Variants in TPRX1 observed in about 807,000 individuals in gnomAD.
TPRX1 encodes tetrapeptide repeat homeobox 1.
A neutral mutation model predicts 8.1 loss-of-function variants in TPRX1; 2 were observed. The ratio of observed to expected loss-of-function variants is 0.25; its 90% CI spans 0.10 to 0.78. TPRX1 has a LOEUF of 0.78. Ranked by LOEUF, TPRX1 falls within the 30% of genes least tolerant of loss-of-function variation. The probability of loss-of-function intolerance (pLI) is 0.70; values close to 1 mark genes in which losing one functional copy is unlikely to be tolerated. For synonymous variants in TPRX1, 257 were observed against 254.1 expected, an observed-to-expected ratio of 1.01 and a Z score of -0.11; for missense variants, 517 against 586.9, an observed-to-expected ratio of 0.88 and a Z score of 1.23.
At chr19:47,804,646 C>T (rs2910401) in intron 2 of TPRX1, among the ~76,000 whole-genome samples, 95 bp from the exon 1 acceptor site, 17 of 149,948 alleles carry the variant, frequency 1.1e-4, no homozygotes, top group Non-Finnish European at 2.4e-4. Context: ...GGGACCCTCC[C>T]TTTCCCACCC....
intron 1 of TPRX1, chr19:47,818,896 C>A: frequency 3.8e-6 from 1 of 264,202 alleles, no homozygotes; most frequent in Non-Finnish European, 7.6e-6. Flanking sequence ...CTCCCCCTGC[C>A]CCCCACCCCA....
chr19:47,814,418 G>A (rs1331466150), intron 2 of TPRX1, among the ~76,000 whole-genome samples: 2 of 152,198 alleles, frequency 1.3e-5, no homozygotes, highest in African/African-American at 2.4e-5. Context: ...CAGCACTTTG[G>A]GAAGCTAAAG....
Position 47,813,022 on chromosome 19 carries a change from G to A in TPRX1, c.151+5446C>T, listed in dbSNP as rs148542229. ...CTCAGGAGGTTGAAGCAGGAGAATCGCTTGAACCCAGGAGGTGGAGGTTAC... is the reference window on the plus strand; with the variant it reads ...CTCAGGAGGTTGAAGCAGGAGAATCACTTGAACCCAGGAGGTGGAGGTTAC... On this transcript the variant is annotated intron_variant, in intron 2 of 3. Coordinates refer to ENST00000535759, the Ensembl canonical transcript of TPRX1. Among the ~76,000 whole-genome samples, 840 of 151,850 alleles carry A rather than the reference G, an allele frequency of 5.5e-3. 11 individuals are homozygous for A. The highest frequency in any genetic ancestry group is 0.048 in the East Asian group (250 of 5,160).
Position 47,802,831 on chromosome 19 carries a change from C to A in TPRX1, c.471G>T (p.Ser157=), listed in dbSNP as rs973298126. Residue 157 remains serine, a synonymous_variant, in exon 4 of 4, where the codon TCG becomes TCT. Transcript: ENST00000535759. ...TGGGTTCCGCCGCTGGAAGGATTCC[C>A]GAGGGGCCCCGCTGAGGTGCGGAGG... 1.9e-6 allele frequency: 3 copies of A among 1,599,718 alleles called. No homozygotes were observed. The African/African-American group carries it at 4.0e-5, about 21-fold the overall frequency.
intron 2 of TPRX1, among the ~76,000 whole-genome samples, chr19:47,811,011 T>G (rs1431687255): frequency 1.4e-5 from 2 of 147,468 alleles, no homozygotes; most frequent in African/African-American, 5.0e-5. Flanking sequence ...TTTTTTTTAA[T>G]TTTATTTTTT....
intron 2 of TPRX1, among the ~76,000 whole-genome samples, chr19:47,808,087 G>A (rs1484070275): frequency 6.6e-6 from 1 of 151,904 alleles, no homozygotes; most frequent in Non-Finnish European, 1.5e-5. Flanking sequence ...GTACCACCAT[G>A]TCCGGGTAAT....
chr19:47,818,603 T>C (rs1415120309), intron 1 of TPRX1: 1 of 455,626 alleles, frequency 2.2e-6, no homozygotes, highest in African/African-American at 2.0e-5. Flanking sequence ...ATAGGATGAA[T>C]GTGTTAGGGA....
In TPRX1 at chr19:47,808,736, G is replaced by A. The variant is rs185893703; in HGVS notation, c.152-5063C>T. Among the ~76,000 whole-genome samples the A allele has an allele frequency of 1.1e-4, 17 of 152,182 alleles. No homozygotes were observed. In the East Asian group the frequency reaches 2.9e-3, roughly 26 times the overall value. ...CTCCCAAAATGCTGGGATTACAGGT[G>A]TGAGCCACCGTGCCTGGCCTCAATG... On this transcript the variant is annotated intron_variant, in intron 2 of 3. Transcript: ENST00000535759.
chr19:47,801,839 G>A (rs1262284507), exon 4 of TPRX1: 3 of 1,614,124 alleles, frequency 1.9e-6, no homozygotes. Context: ...CTCCTCTTGG[G>A]GCTGAGACCC....
At chr19:47,807,539 T>A (rs1967746031) in intron 2 of TPRX1, among the ~76,000 whole-genome samples, 1 of 150,948 alleles carries the variant, frequency 6.6e-6, no homozygotes, top group Non-Finnish European at 1.5e-5. Flanking sequence ...CAGTAAAAAA[T>A]TTTTTCTATT....
intron 1 of TPRX1, chr19:47,818,547 G>A (rs1453430126): frequency 2.2e-6 from 1 of 455,918 alleles, no homozygotes; most frequent in Non-Finnish European, 4.4e-6. Context: ...TCCTGACAAG[G>A]GCAGACAAGA....
chr19:47,806,222 AAAAT>A (rs1286461136), intron 2 of TPRX1, among the ~76,000 whole-genome samples: 2 of 150,758 alleles, frequency 1.3e-5, no homozygotes, highest in East Asian at 1.9e-4. Context: ...ACTCCATCTC[AAAAT>A]AAATAAAAGT....
At chr19:47,811,000 T>C (rs1206288516) in intron 2 of TPRX1, among the ~76,000 whole-genome samples, 5 of 151,196 alleles carry the variant, frequency 3.3e-5, no homozygotes, top group African/African-American at 1.2e-4. Flanking sequence ...TCTGTTTTTT[T>C]TTTTTTTTAA....
intron 2 of TPRX1, among the ~76,000 whole-genome samples, chr19:47,806,165 G>A (rs1403394666): frequency 6.6e-6 from 1 of 151,750 alleles, no homozygotes; most frequent in Non-Finnish European, 1.5e-5. Flanking sequence ...GAGGCTACAG[G>A]GAGTGGAGAT....
chr19:47,804,209 G>A (rs902345574), intron 2 of TPRX1, among the ~76,000 whole-genome samples: 56 of 150,860 alleles, frequency 3.7e-4, no homozygotes, highest in African/African-American at 1.7e-4. Context: ...TGTGCACCAC[G>A]ACCCCTGGGT....
At chr19:47,817,661 A>G (rs1472634566) in intron 2 of TPRX1, among the ~76,000 whole-genome samples, 1 of 152,276 alleles carries the variant, frequency 6.6e-6, no homozygotes, top group Non-Finnish European at 1.5e-5. Flanking sequence ...AAGATGGATG[A>G]GGTCAGCTTC....
At chr19:47,801,847 C>A in exon 4 of TPRX1, 1 of 1,614,144 alleles carries the variant, frequency 6.2e-7, no homozygotes, top group Non-Finnish European at 8.5e-7. Context: ...GGGGCTGAGA[C>A]CCTGAGTGTT....
intron 2 of TPRX1, among the ~76,000 whole-genome samples, chr19:47,810,864 C>G (rs10426601): frequency 0.066 from 10,068 of 151,428 alleles, 437 homozygotes; most frequent in Middle Eastern, 0.11. Flanking sequence ...TGGGGCAGAT[C>G]AGAGTGGGGG....
chr19:47,805,999 C>T (rs1477255881), intron 2 of TPRX1, among the ~76,000 whole-genome samples: 1 of 151,896 alleles, frequency 6.6e-6, no homozygotes, highest in Non-Finnish European at 1.5e-5. Context: ...CTGAGGCAGG[C>T]AGATCACCTG....
Sources: gnomAD v4.1 joint callset for allele counts (sites outside exome capture counted in the v4.1 genomes callset) on GRCh38, gnomAD v4.1.1 for gene constraint, MANE v1.5 for transcripts, NCBI Gene and HGNC (gene_info 2026-07-23, HGNC 2026-07-21) for gene names.